Variants in ZAN observed in about 807,000 individuals in gnomAD.
The protein encoded by ZAN is zonadhesin.
Under a neutral mutation model 286.2 loss-of-function variants are expected in ZAN, and 260 were observed. The ratio of observed to expected loss-of-function variants is 0.91; its 90% CI spans 0.82 to 1.01. ZAN has a LOEUF of 1.01. Ranked by LOEUF, ZAN falls within the 50% of genes least tolerant of loss-of-function variation. The pLI is 0.00. For missense variants in ZAN, 3,410 were observed against 3,639.2 expected (o/e 0.94, Z 1.62); for synonymous variants, 1,368 against 1,417.5 (o/e 0.97, Z 0.79).
intron 25 of ZAN, among the ~76,000 whole-genome samples, chr7:100,767,617 AG>A (rs1445690160): frequency 2.6e-5 from 4 of 151,080 alleles, no homozygotes; most frequent in African/African-American, 9.7e-5. Flanking sequence ...CTGCAACTAT[AG>A]GCATGCACCA....
chr7:100,773,400 C>A lies in ZAN; in HGVS notation c.5541C>A (p.Ser1847Arg). The A allele has an allele frequency of 6.2e-7, 1 of 1,614,018 alleles. No individual in the cohort carries two copies. The highest frequency in any genetic ancestry group is 1.3e-5 in the African/African-American group (1 of 75,060). ...CCAAAGCACTGCCCTGTGCTGAGAGCTGTGAATGTCAGAAAGGCCACATCT... is the reference window on the plus strand; with the variant it reads ...CCAAAGCACTGCCCTGTGCTGAGAGATGTGAATGTCAGAAAGGCCACATCT... ...DCPKALPCAE[S>R]CECQKGHILS... Residue 1847 changes from serine to arginine, a missense_variant, in exon 30 of 48, where the codon AGC becomes AGA. Coordinates refer to ENST00000613979, the MANE Select transcript of ZAN (RefSeq NM_003386.3).
chr7:100,792,166 GAC>G lies in ZAN; in HGVS notation c.7712+19_7712+20del. 1.3e-6 allele frequency: 2 copies of G among 1,585,128 alleles called. No homozygotes were observed. The highest frequency in any genetic ancestry group is 4.4e-4 in the Middle Eastern group (2 of 4,584). Reference sequence around the variant, plus strand: ...TTCCAAGAGTGAGTCATGGGCCCAGGACTTGTGGGAATGGCCCAGGTGCCTGC... The same window carrying G: ...TTCCAAGAGTGAGTCATGGGCCCAGGTTGTGGGAATGGCCCAGGTGCCTGC... On this transcript the variant is annotated intron_variant, in intron 41 of 47. Transcript: ENST00000613979.
At chr7:100,771,748 G>T in intron 28 of ZAN, 96 bp from the exon 29 acceptor site, 2 of 1,357,298 alleles carry the variant, frequency 1.5e-6, no homozygotes, top group South Asian at 2.8e-5. Context: ...TCCAGGTTTT[G>T]ACTGAAGTGG....
chr7:100,797,292 A>C, intron 45 of ZAN, 74 bp from the exon 46 acceptor site: 2 of 1,436,864 alleles, frequency 1.4e-6, no homozygotes, highest in Non-Finnish European at 1.9e-6. Flanking sequence ...AGCAATCCCC[A>C]AAAGGGAGTA....
At chr7:100,790,555 C>T (rs1485261471) in intron 39 of ZAN, among the ~76,000 whole-genome samples, 1 of 106,174 alleles carries the variant, frequency 9.4e-6, no homozygotes, top group African/African-American at 3.8e-5. Flanking sequence ...GAGCGAGACT[C>T]CATCTCAAAA....
In ZAN at chr7:100,771,931, C is replaced by T; in HGVS notation, c.5336C>T (p.Thr1779Ile). 2.5e-6 allele frequency: 4 copies of T among 1,612,778 alleles called. No homozygotes were observed. Among genetic ancestry groups the T allele is most frequent in the Non-Finnish European group, 3.4e-6 (4 of 1,179,830 alleles). The change falls in exon 29 of 48, where the codon ACC (threonine) becomes ATC (isoleucine). Residue 1779 changes from threonine to isoleucine, a missense_variant. Thr to Ile is a moderately conservative substitution (Grantham distance 89). Around this residue, in one of 7 missense-constraint regions of ZAN, gnomAD observed 27 missense variants for 58.7 expected, o/e 0.46. Transcript: ENST00000613979. ...VHGQCGTKGD[T>I]TALCRSLQAY... ...GGTCAGTGTGGGACCAAGGGCGACA[C>T]CACAGCCCTGTGCCGCTCCCTGCAG...
At chr7:100,789,087 A>G (rs1157651538) in intron 38 of ZAN, 131 bp from the exon 39 acceptor site, 6 of 1,313,728 alleles carry the variant, frequency 4.6e-6, no homozygotes, top group Non-Finnish European at 6.1e-6. Flanking sequence ...AGCAAAGCCC[A>G]TTGGGGTATC....
intron 15 of ZAN, among the ~76,000 whole-genome samples, chr7:100,757,985 T>G (rs1809266259): frequency 2.1e-5 from 3 of 143,764 alleles, no homozygotes; most frequent in African/African-American, 2.6e-5. Context: ...ACTTGGGAGG[T>G]TGAGGCAGGA....
rs1301197706 is a variant in ZAN, at chr7:100,752,176, A to G, written c.2071A>G (p.Ile691Val). Residue 691 changes from isoleucine (I) to valine (V), a missense_variant, in exon 14 of 48, where the codon ATC (isoleucine) becomes GTC (valine). Physicochemically the swap from Ile to Val is conservative, Grantham distance 29. Around this residue, in one of 7 missense-constraint regions of ZAN, gnomAD observed 872 missense variants for 938.9 expected, o/e 0.93. Transcript: ENST00000613979. Reference sequence around the variant, plus strand: ...CAGCATCCCTACAGAAAAACCCAGCATCCCCACGGAAAAACCCACCATCTC... The same window carrying G: ...CAGCATCCCTACAGAAAAACCCAGCGTCCCCACGGAAAAACCCACCATCTC... ...KPSIPTEKPS[I>V]PTEKPTISME... 6.2e-7 allele frequency: 1 copy of G among 1,611,500 alleles called. No individual in the cohort carries two copies. Among genetic ancestry groups the G allele is most frequent in the Non-Finnish European group, 8.5e-7 (1 of 1,179,482 alleles).
At position 100,767,131 on chromosome 7, in the gene ZAN, C is replaced by A. The variant is rs1279609922; in HGVS notation, c.4734C>A (p.Asp1578Glu). The A allele has an allele frequency of 5.6e-6, 9 of 1,613,816 alleles. No homozygotes were observed. In the African/African-American group the frequency reaches 6.7e-5, roughly 12 times the overall value. The change falls in exon 25 of 48, where the codon GAC (aspartate) becomes GAA (glutamate). Residue 1578 changes from aspartate to glutamate, a missense_variant. Asp to Glu is a conservative substitution (Grantham distance 45, BLOSUM62 2). Around this residue, in one of 7 missense-constraint regions of ZAN, gnomAD observed 1,042 missense variants for 1,058.0 expected, o/e 0.98. Coordinates refer to ENST00000613979, the MANE Select transcript of ZAN (RefSeq NM_003386.3). Reference sequence around the variant, plus strand: ...GGCCTTGCTGGTCCAGGTCCCAAGACAGCTATTTTGTTGTGAGCGCCACCA... The same window carrying A: ...GGCCTTGCTGGTCCAGGTCCCAAGAAAGCTATTTTGTTGTGAGCGCCACCA... ...LTRPCWSRSQ[D>E]SYFVVSATNE...
intron 7 of ZAN, among the ~76,000 whole-genome samples, chr7:100,744,157 C>T (rs1389686461): frequency 7.4e-5 from 11 of 149,484 alleles, no homozygotes; most frequent in Admixed American, 3.3e-4. Flanking sequence ...AGGCTGGTCT[C>T]GGACTCCTGG....
intron 31 of ZAN, among the ~76,000 whole-genome samples, chr7:100,774,217 C>T (rs1562944845): frequency 1.3e-5 from 2 of 152,158 alleles, no homozygotes; most frequent in Admixed American, 6.6e-5. Flanking sequence ...GGCTAAACCC[C>T]GTCTCTACTA....
rs372737666 is a variant in ZAN, at chr7:100,753,044, C to A, written c.2939C>A (p.Thr980Lys). The change falls in exon 14 of 48, where the codon ACG becomes AAG. Residue 980 changes from threonine (T) to lysine (K), a missense_variant. Coordinates refer to ENST00000613979, the MANE Select transcript of ZAN (RefSeq NM_003386.3). ...CCCACGGAAAAACTTACCATCCCCA[C>A]GGAAAAACCCACCATCCCCACAGAA... Reference protein sequence around the residue: ...TIPTEKLTIPTEKPTIPTEKP... With the variant: ...TIPTEKLTIPKEKPTIPTEKP... 11 of 1,612,228 alleles carry A rather than the reference C, an allele frequency of 6.8e-6. No homozygotes were observed. The highest frequency in any genetic ancestry group is 1.1e-5 in the South Asian group (1 of 90,884).
chr7:100,777,219 GT>G (rs2116191083), intron 34 of ZAN, among the ~76,000 whole-genome samples: 1 of 147,282 alleles, frequency 6.8e-6, no homozygotes, highest in Non-Finnish European at 1.5e-5. Flanking sequence ...ACTTTTTGTA[GT>G]TTTTAGCAGA....
In ZAN at chr7:100,786,113, C is replaced by G. The variant is rs1156778985; in HGVS notation, c.6951C>G (p.Asp2317Glu). 1.9e-6 allele frequency: 3 copies of G among 1,613,834 alleles called. No homozygotes were observed. Among genetic ancestry groups the G allele is most frequent in the African/African-American group, 1.3e-5 (1 of 74,942 alleles). ...PSGSHCQLTS[D>E]NSNSNCVSDK... ...GGTCCCACTGCCAGCTCACTTCCGA[C>G]AACAGCAACAGCAATTGTGTCTCAG... The change falls in exon 37 of 48, where the codon GAC becomes GAG. Residue 2317 changes from aspartate (D) to glutamate (E), a missense_variant. Asp to Glu is a conservative substitution (Grantham distance 45, BLOSUM62 2). Around this residue, in one of 7 missense-constraint regions of ZAN, gnomAD observed 1,289 missense variants for 1,314.3 expected, o/e 0.98. Transcript: ENST00000613979.
intron 11 of ZAN, 64 bp downstream of exon 11, chr7:100,748,534 G>C (rs542680241): frequency 5.0e-4 from 777 of 1,544,788 alleles, no homozygotes; most frequent in Non-Finnish European, 6.0e-4. Context: ...TAGCAGGCTG[G>C]CTGCTGTGAC....
chr7:100,787,162 C>T (rs1811613629), intron 37 of ZAN, among the ~76,000 whole-genome samples: 1 of 151,908 alleles, frequency 6.6e-6, no homozygotes, highest in Non-Finnish European at 1.5e-5. Context: ...TGGCTTATGC[C>T]TGTAATCTCA....
Position 100,753,176 on chromosome 7 carries a change from C to T in ZAN, c.3071C>T (p.Thr1024Ile). Residue 1024 changes from threonine to isoleucine, a missense_variant, in exon 14 of 48, where the codon ACC becomes ATC. Thr to Ile is a moderately conservative substitution (Grantham distance 89). Coordinates refer to ENST00000613979, the MANE Select transcript of ZAN (RefSeq NM_003386.3). Reference protein sequence around the residue: ...ALVMSPHAPSTPMTSVILGTT... With the variant: ...ALVMSPHAPSIPMTSVILGTT... ...GTGATGTCTCCACATGCTCCAAGTACCCCTATGACCAGTGTGATTCTGGGC... is the reference window on the plus strand; with the variant it reads ...GTGATGTCTCCACATGCTCCAAGTATCCCTATGACCAGTGTGATTCTGGGC... 6.2e-7 allele frequency: 1 copy of T among 1,611,858 alleles called. No individual in the cohort carries two copies. Among genetic ancestry groups the T allele is most frequent in the Non-Finnish European group, 8.5e-7 (1 of 1,179,010 alleles).
intron 26 of ZAN, 25 bp from the exon 27 acceptor site, chr7:100,768,585 C>G (rs550908928): frequency 1.3e-6 from 2 of 1,566,808 alleles, no homozygotes; most frequent in African/African-American, 2.7e-5. Context: ...CCCTTCTTGC[C>G]TGTTTTAATG....
Sources: gnomAD v4.1 joint callset for allele counts (sites outside exome capture counted in the v4.1 genomes callset) on GRCh38, gnomAD v4.1.1 for gene constraint, gnomAD v4.1.1 regional missense constraint, MANE v1.5 for transcripts, NCBI Gene and HGNC (gene_info 2026-07-23, HGNC 2026-07-21) for gene names.